NXPH2: variants seen among roughly 807,000 people sequenced by gnomAD.
NXPH2 encodes neurexophilin 2, also known as neurexophilin-2.
NXPH2 carries 5 observed loss-of-function variants against 19.8 expected under a neutral mutation model. The observed-to-expected ratio is 0.25, with a 90% CI of 0.13 to 0.53. The LOEUF (loss-of-function observed/expected upper bound fraction) is 0.53, where lower values mean the gene tolerates loss of function less well. Ranked by LOEUF, NXPH2 falls within the 20% of genes least tolerant of loss-of-function variation. The pLI, the probability that NXPH2 is intolerant of heterozygous loss-of-function variation, is 0.96. For missense variants in NXPH2, 289 were observed against 322.8 expected (o/e 0.90, Z 0.80); for synonymous variants, 154 against 127.4 (o/e 1.21, Z -1.41).
intron 1 of NXPH2, among the ~76,000 whole-genome samples, chr2:138,698,258 G>T (rs1680858128): frequency 6.6e-6 from 1 of 152,020 alleles, no homozygotes; most frequent in African/African-American, 2.4e-5. Context: ...TTAATAATAT[G>T]GGGGATACTC....
intron 1 of NXPH2, among the ~76,000 whole-genome samples, chr2:138,728,184 GTCTCTCTTCCC>G (rs1681388911): frequency 6.6e-6 from 1 of 151,620 alleles, no homozygotes; most frequent in African/African-American, 2.4e-5. Context: ...CTCTCTGTCT[GTCTCTCTTCCC>G]TCTGTCTCTC....
At chr2:138,764,605 A>C (rs1019191541) in intron 1 of NXPH2, among the ~76,000 whole-genome samples, 20 of 152,252 alleles carry the variant, frequency 1.3e-4, no homozygotes, top group Non-Finnish European at 2.6e-4. Flanking sequence ...TTTTCAAAAA[A>C]TGTTCCCAAG....
chr2:138,688,469 A>G (rs1267019638), intron 1 of NXPH2, among the ~76,000 whole-genome samples: 1 of 152,206 alleles, frequency 6.6e-6, no homozygotes, highest in East Asian at 1.9e-4. Context: ...GGTGTGAGCC[A>G]CCATGCTCGG....
At chr2:138,742,008 C>A (rs1293642942) in intron 1 of NXPH2, among the ~76,000 whole-genome samples, 1 of 152,182 alleles carries the variant, frequency 6.6e-6, no homozygotes, top group Non-Finnish European at 1.5e-5. Context: ...AAAGTCAATT[C>A]CATGCCATCA....
At chr2:138,691,433 A>G (rs1196730627) in intron 1 of NXPH2, among the ~76,000 whole-genome samples, 1 of 152,204 alleles carries the variant, frequency 6.6e-6, no homozygotes, top group Non-Finnish European at 1.5e-5. Context: ...AGAGACATAT[A>G]TTAATTGACA....
At chr2:138,726,467 T>C (rs903265341) in intron 1 of NXPH2, among the ~76,000 whole-genome samples, 3 of 152,056 alleles carry the variant, frequency 2.0e-5, no homozygotes, top group East Asian at 1.9e-4. Flanking sequence ...ATTCAGTCTA[T>C]AGTGAACTAA....
chr2:138,671,378 TC>T lies in NXPH2; in HGVS notation c.338del (p.Gly113AspfsTer46). ...VKTGKFKKMF[G>X]WGDFHSNIKT... ...TAATGTTGGAATGAAAGTCACCCCA[TC>T]CAAACATTTTCTTAAATTTTCCTGT... On this transcript the variant is annotated frameshift_variant, in exon 2 of 2. Coordinates refer to ENST00000272641, the MANE Select transcript of NXPH2 (RefSeq NM_007226.3). LOFTEE classifies it high-confidence loss of function. 6.2e-7 allele frequency: 1 copy of T among 1,613,982 alleles called. No homozygotes were observed. The highest frequency in any genetic ancestry group is 8.5e-7 in the Non-Finnish European group (1 of 1,179,870).
chr2:138,737,226 C>A (rs1301863762), intron 1 of NXPH2, among the ~76,000 whole-genome samples: 1 of 152,108 alleles, frequency 6.6e-6, no homozygotes, highest in Admixed American at 6.6e-5. Context: ...AAAGACATAT[C>A]CAAGACTGGA....
intron 1 of NXPH2, among the ~76,000 whole-genome samples, chr2:138,771,501 A>G (rs1432906337): frequency 1.3e-5 from 2 of 152,142 alleles, no homozygotes; most frequent in Non-Finnish European, 2.9e-5. Context: ...TTAAACAGAA[A>G]TCTTAGATGG....
chr2:138,701,961 A>G (rs541537854), intron 1 of NXPH2, among the ~76,000 whole-genome samples: 15 of 152,092 alleles, frequency 9.9e-5, no homozygotes, highest in Non-Finnish European at 1.9e-4. Context: ...ATCATAGGAG[A>G]GGTCGGTTAC....
Position 138,669,648 on chromosome 2 carries a change from C to A in NXPH2, c.*1274G>T, listed in dbSNP as rs184757605. ...TCTATTGTAAAAGGAGTGACCATTC[C>A]ATGAGCGTCCTGAGTTCTAGAAGCC... On this transcript the variant is annotated 3_prime_UTR_variant, in exon 2 of 2. Transcript: ENST00000272641. Among the ~76,000 whole-genome samples the A allele has an allele frequency of 1.2e-3, 190 of 152,236 alleles. No individual in the cohort carries two copies. Among genetic ancestry groups the A allele is most frequent in the African/African-American group, 4.4e-3 (182 of 41,550 alleles).
intron 1 of NXPH2, among the ~76,000 whole-genome samples, chr2:138,690,178 C>CAA (rs2104975242): frequency 6.6e-6 from 1 of 152,320 alleles, no homozygotes; most frequent in African/African-American, 2.4e-5. Flanking sequence ...CCCACTGGCT[C>CAA]AACCCAGAGC....
intron 1 of NXPH2, among the ~76,000 whole-genome samples, chr2:138,711,767 T>C (rs1229464406): frequency 6.6e-6 from 1 of 152,194 alleles, no homozygotes; most frequent in East Asian, 1.9e-4. Flanking sequence ...CATCCCTTTG[T>C]GTCTGCCTCA....
chr2:138,729,562 T>C (rs937239006), intron 1 of NXPH2, among the ~76,000 whole-genome samples: 1 of 152,226 alleles, frequency 6.6e-6, no homozygotes, highest in Non-Finnish European at 1.5e-5. Context: ...TGCTTTCCTA[T>C]TTAGCCTTCT....
chr2:138,687,782 T>C (rs923052077), intron 1 of NXPH2, among the ~76,000 whole-genome samples: 5 of 152,356 alleles, frequency 3.3e-5, no homozygotes, highest in African/African-American at 1.2e-4. Flanking sequence ...CCAGCACCAT[T>C]TATTAAATAG....
At chr2:138,733,856 G>A (rs909168335) in intron 1 of NXPH2, among the ~76,000 whole-genome samples, 2 of 152,144 alleles carry the variant, frequency 1.3e-5, no homozygotes, top group African/African-American at 4.8e-5. Flanking sequence ...AACAAAGTCA[G>A]GGATAGTGGA....
intron 1 of NXPH2, among the ~76,000 whole-genome samples, chr2:138,690,341 C>T (rs1436862627): frequency 1.3e-5 from 2 of 152,158 alleles, no homozygotes; most frequent in South Asian, 2.1e-4. Flanking sequence ...ATGCTCGTGT[C>T]CCATCTCACC....
intron 1 of NXPH2, 85 bp from the exon 2 acceptor site, chr2:138,671,750 T>A: frequency 2.3e-6 from 3 of 1,290,006 alleles, no homozygotes; most frequent in Non-Finnish European, 3.2e-6. Flanking sequence ...CAAGGGAAAT[T>A]ATTTCAACAT....
At chr2:138,731,817 G>A (rs568259605) in intron 1 of NXPH2, among the ~76,000 whole-genome samples, 8 of 152,148 alleles carry the variant, frequency 5.3e-5, no homozygotes, top group African/African-American at 1.9e-4. Context: ...CCCTAATCAA[G>A]TCCAGCTTCT....
Sources: allele counts gnomAD v4.1 joint callset (sites outside exome capture counted in the v4.1 genomes callset), GRCh38; gene constraint gnomAD v4.1.1; transcripts MANE v1.5; gene names NCBI Gene and HGNC (gene_info 2026-07-23, HGNC 2026-07-21).